RASA3: variants seen among roughly 807,000 people sequenced by gnomAD.
RASA3 encodes ras GTPase-activating protein 3.
In RASA3, 73 loss-of-function variants were observed where a neutral mutation model predicts 110.0. That is an observed-to-expected ratio of 0.66 (90% CI 0.55 to 0.81). The LOEUF is 0.81. Among genes scored for constraint, RASA3 ranks in the 30% least tolerant of loss-of-function variants. RASA3 has a pLI of 0.00. For missense variants in RASA3, 976 were observed against 1,113.2 expected (o/e 0.88, Z 1.75); for synonymous variants, 500 against 451.4 (o/e 1.11, Z -1.37).
intron 3 of RASA3, among the ~76,000 whole-genome samples, chr13:114,044,684 C>A (rs991530383): frequency 2.0e-5 from 3 of 148,706 alleles, no homozygotes; most frequent in African/African-American, 7.5e-5. Flanking sequence ...TTGAGTCTCA[C>A]AGGAATAAAG....
At chr13:114,025,613 A>G (rs1487408317) in intron 7 of RASA3, among the ~76,000 whole-genome samples, 9 of 152,234 alleles carry the variant, frequency 5.9e-5, no homozygotes, top group Non-Finnish European at 1.2e-4. Context: ...GCCACATCTT[A>G]TCACCAGCTG....
At chr13:114,100,688 C>G (rs533141010) in intron 1 of RASA3, among the ~76,000 whole-genome samples, 1 of 152,196 alleles carries the variant, frequency 6.6e-6, no homozygotes, top group Admixed American at 6.5e-5. Context: ...AGCCTCAACT[C>G]GGAAAATCCC....
In RASA3 at chr13:114,048,532, G is replaced by T. The variant is rs1173847311; in HGVS notation, c.277+3520C>A. On this transcript the variant is annotated intron_variant, in intron 3 of 23. Transcript: ENST00000334062. This position sits in a 1 kb window ranked among gnomAD's most constrained non-coding sequence, Gnocchi z 4.3. ...CCAATGCTCCTGACAGCACCGAGCC[G>T]GGCCTCGCGCATTTCCGTGGTTCCC... Among the ~76,000 whole-genome samples, 2 of 152,182 alleles carry T rather than the reference G, an allele frequency of 1.3e-5. No homozygotes were observed. The highest frequency in any genetic ancestry group is 6.5e-5 in the Admixed American group (1 of 15,290).
chr13:114,105,113 C>A (rs986530871), intron 1 of RASA3, among the ~76,000 whole-genome samples: 1 of 152,120 alleles, frequency 6.6e-6, no homozygotes, highest in East Asian at 1.9e-4. Flanking sequence ...GGAGAGCACG[C>A]CTGGCCCCCA....
rs2054117484 is a variant in RASA3 at position 114,030,036 on chromosome 13, A to AC, written c.373-150dup. 22 of 688,342 alleles carry AC rather than the reference A, an allele frequency of 3.2e-5. No individual in the cohort carries two copies. The South Asian group carries it at 3.7e-4, about 11-fold the overall frequency. 42.6% of individuals were successfully genotyped at this position (688,342 alleles called of 1,614,324 possible). A position where few individuals can be genotyped will look rare whatever the true frequency, so the allele number is the denominator to read the frequency against. The stretch of plus-strand genomic sequence containing the variant: ...TGGGCACGTCCAGCCCCTCCACTCC[A>AC]CCCCCGGGACGCAGGGTCCCAGCTG... On this transcript the variant is annotated intron_variant, in intron 4 of 23. Transcript: ENST00000334062.
At chr13:114,050,041 G>A (rs1373062906) in intron 3 of RASA3, among the ~76,000 whole-genome samples, 3 of 152,234 alleles carry the variant, frequency 2.0e-5, no homozygotes, top group Non-Finnish European at 4.4e-5. Context: ...GGCTGAGCCC[G>A]GAGGCAGGAG....
At chr13:114,090,266 C>G (rs1474888837) in intron 1 of RASA3, among the ~76,000 whole-genome samples, 1 of 152,252 alleles carries the variant, frequency 6.6e-6, no homozygotes, top group Non-Finnish European at 1.5e-5. Context: ...GCAAGCGTTA[C>G]CATGTCTCTA....
intron 1 of RASA3, among the ~76,000 whole-genome samples, chr13:114,128,888 C>A (rs1259716128): frequency 2.0e-5 from 3 of 152,046 alleles, no homozygotes; most frequent in Non-Finnish European, 4.4e-5. Flanking sequence ...AGGGTCACCG[C>A]GGTGCGAGAG....
intron 2 of RASA3, among the ~76,000 whole-genome samples, chr13:114,059,721 C>T (rs9562108): frequency 0.094 from 14,337 of 152,300 alleles, 1,471 homozygotes; most frequent in African/African-American, 0.25. Flanking sequence ...CATGGCAGGG[C>T]CTCCCACACA....
intron 1 of RASA3, among the ~76,000 whole-genome samples, chr13:114,100,573 AGACAAGT>A (rs1456112549): frequency 6.6e-6 from 1 of 152,240 alleles, no homozygotes; most frequent in Non-Finnish European, 1.5e-5. Flanking sequence ...ACCACCTCCA[AGACAAGT>A]GCAGCAGCCG....
chr13:114,074,248 C>T (rs924402901), intron 1 of RASA3, among the ~76,000 whole-genome samples: 10 of 152,210 alleles, frequency 6.6e-5, no homozygotes, highest in African/African-American at 1.9e-4. Flanking sequence ...TCTTCCCAAA[C>T]GGAGACTCGG....
intron 1 of RASA3, among the ~76,000 whole-genome samples, chr13:114,090,132 G>T (rs575060522): frequency 6.6e-6 from 1 of 152,188 alleles, no homozygotes; most frequent in African/African-American, 2.4e-5. Context: ...ATGTGAACAC[G>T]GACAGCTTTG....
In RASA3 at chr13:113,979,258, G is replaced by T. The variant is rs568225332; in HGVS notation, c.*89C>A. On this transcript the variant is annotated 3_prime_UTR_variant, in exon 24 of 24. Coordinates refer to ENST00000334062, the MANE Select transcript of RASA3 (RefSeq NM_007368.4). The stretch of plus-strand genomic sequence containing the variant: ...GGACGGCGTGCATCTCACTTTGCCG[G>T]CTCTGCGCTCTTCCTTCTCTTCTCC... 2 of 1,297,660 alleles carry T rather than the reference G, an allele frequency of 1.5e-6. No individual in the cohort carries two copies. Among genetic ancestry groups the T allele is most frequent in the Non-Finnish European group, 2.2e-6 (2 of 898,648 alleles). 80.4% of individuals were successfully genotyped at this position (1,297,660 alleles called of 1,614,324 possible).
chr13:113,992,928 C>G (rs538969822), intron 21 of RASA3, among the ~76,000 whole-genome samples: 84 of 152,314 alleles, frequency 5.5e-4, no homozygotes, highest in Non-Finnish European at 1.1e-3. Flanking sequence ...TACTAACTGA[C>G]CTTTCCTGAA....
At chr13:114,125,317 C>T (rs189912363) in intron 1 of RASA3, among the ~76,000 whole-genome samples, 10 of 152,272 alleles carry the variant, frequency 6.6e-5, no homozygotes, top group East Asian at 3.9e-4. Flanking sequence ...TTATTGGTCA[C>T]GGTGCTGCAA....
At position 114,013,242 on chromosome 13, in the gene RASA3, G is replaced by C. The variant is rs769859070; in HGVS notation, c.1412C>G (p.Pro471Arg). The C allele has an allele frequency of 6.2e-7, 1 of 1,611,032 alleles. No individual in the cohort carries two copies. The highest frequency in any genetic ancestry group is 1.3e-5 in the African/African-American group (1 of 74,876). Residue 471 changes from proline to arginine, a missense_variant, in exon 15 of 24, where the codon CCG (proline) becomes CGG (arginine). This residue lies in a region of RASA3 where 732 missense variants were observed against 779.7 expected (regional missense o/e 0.94). Coordinates refer to ENST00000334062, the MANE Select transcript of RASA3 (RefSeq NM_007368.4). ...GCTCACTGCAGTGTACCTGACGTCC[G>C]GGTCATCTGCGGGAGAGAGAAGCAG... ...EAAAKRFQDD[P>R]DVRYTAVSSF... is the part of the protein sequence containing the mutation.
intron 4 of RASA3, among the ~76,000 whole-genome samples, chr13:114,033,656 C>T (rs1163189323): frequency 6.6e-6 from 1 of 151,072 alleles, no homozygotes; most frequent in Non-Finnish European, 1.5e-5. Context: ...CGTTCCACGG[C>T]ACCCCCACAC....
At position 114,114,494 on chromosome 13, in the gene RASA3, G is replaced by A. The variant is rs1347658979; in HGVS notation, c.55+17941C>T. Reference sequence around the variant, plus strand: ...TCCTAGCTCTGTCAGCCAAAGTGAGGTCTGACCACAAAAGCTACCCATTCA... The same window carrying A: ...TCCTAGCTCTGTCAGCCAAAGTGAGATCTGACCACAAAAGCTACCCATTCA... On this transcript the variant is annotated intron_variant, in intron 1 of 23. Coordinates refer to ENST00000334062, the MANE Select transcript of RASA3 (RefSeq NM_007368.4). The surrounding 1 kb of genome is among the most constrained non-coding windows in gnomAD (Gnocchi z 4.8). Among the ~76,000 whole-genome samples, 1 of 152,154 alleles carries A rather than the reference G, an allele frequency of 6.6e-6. No individual in the cohort carries two copies. Among genetic ancestry groups the A allele is most frequent in the African/African-American group, 2.4e-5 (1 of 41,424 alleles).
intron 1 of RASA3, among the ~76,000 whole-genome samples, chr13:114,111,813 C>CA (rs1193599700): frequency 2.6e-5 from 4 of 152,256 alleles, no homozygotes; most frequent in Non-Finnish European, 4.4e-5. Context: ...AAACCTCCAT[C>CA]TGTGGTCAGG....
Sources: gnomAD v4.1 joint callset for allele counts (sites outside exome capture counted in the v4.1 genomes callset) on GRCh38, gnomAD v4.1.1 for gene constraint, gnomAD v4.1.1 regional missense constraint, Gnocchi (gnomAD v3.1) non-coding constraint, MANE v1.5 for transcripts, NCBI Gene and HGNC (gene_info 2026-07-23, HGNC 2026-07-21) for gene names.